Variants in MTMR12 observed in about 807,000 individuals in gnomAD.
The protein encoded by MTMR12 is myotubularin related protein 12.
In MTMR12, 33 loss-of-function variants were observed where a neutral mutation model predicts 96.7. The ratio of observed to expected loss-of-function variants is 0.34; its 90% CI spans 0.26 to 0.46. MTMR12 has a LOEUF of 0.46. Ranked by LOEUF, MTMR12 falls within the 20% of genes least tolerant of loss-of-function variation. The probability of loss-of-function intolerance (pLI) is 1.00; values close to 1 mark genes in which losing one functional copy is unlikely to be tolerated. For synonymous variants in MTMR12, 298 were observed against 327.2 expected (o/e 0.91, Z 0.96); for missense variants, 721 against 896.1 (o/e 0.80, Z 2.49).
In MTMR12 at chr5:32,287,916, G is replaced by A. The variant is rs141533950; in HGVS notation, c.82-11174C>T. Among the ~76,000 whole-genome samples the A allele has an allele frequency of 3.4e-4, 52 of 152,232 alleles. No homozygotes were observed. The East Asian group carries it at 9.5e-3, about 28-fold the overall frequency. Reference sequence around the variant, plus strand: ...CTGGTTGGTTGCTCCTAAGTTCAGTGGACAAAGTGATGAATGAAAATGACG... The same window carrying A: ...CTGGTTGGTTGCTCCTAAGTTCAGTAGACAAAGTGATGAATGAAAATGACG... On this transcript the variant is annotated intron_variant, in intron 1 of 15. Transcript: ENST00000382142.
At chr5:32,287,508 AATTTAAT>A (rs2112122274) in intron 1 of MTMR12, among the ~76,000 whole-genome samples, 1 of 152,290 alleles carries the variant, frequency 6.6e-6, no homozygotes, top group Non-Finnish European at 1.5e-5. Context: ...GTGATCATGT[AATTTAAT>A]ATTTAATAAA....
At chr5:32,279,752 C>T (rs1750214164) in intron 1 of MTMR12, among the ~76,000 whole-genome samples, 1 of 152,222 alleles carries the variant, frequency 6.6e-6, no homozygotes, top group African/African-American at 2.4e-5. Context: ...TGGGATGAAA[C>T]TGTTCTACCT....
At chr5:32,289,189 T>C (rs111233115) in intron 1 of MTMR12, among the ~76,000 whole-genome samples, 2,778 of 152,338 alleles carry the variant, frequency 0.018, 95 homozygotes, top group African/African-American at 0.063. Context: ...CGTAGAGCTC[T>C]GGCATTGGCT....
chr5:32,303,383 G>C (rs1294550819), intron 1 of MTMR12, among the ~76,000 whole-genome samples: 1 of 152,060 alleles, frequency 6.6e-6, no homozygotes, highest in Non-Finnish European at 1.5e-5. Context: ...GAGGCCCTGA[G>C]GCCTTTCCAT....
intron 2 of MTMR12, among the ~76,000 whole-genome samples, chr5:32,275,452 G>T (rs1750012704): frequency 6.6e-6 from 1 of 152,184 alleles, no homozygotes; most frequent in South Asian, 2.1e-4. Context: ...CCAAGACCAG[G>T]CCAGCCCCGT....
At chr5:32,267,870 T>C (rs548586009) in intron 6 of MTMR12, among the ~76,000 whole-genome samples, 2 of 152,296 alleles carry the variant, frequency 1.3e-5, no homozygotes, top group Admixed American at 1.3e-4. Context: ...AGTCTCATTC[T>C]ATTGCCAGGC....
intron 10 of MTMR12, among the ~76,000 whole-genome samples, chr5:32,245,481 C>T (rs916996649): frequency 6.6e-6 from 1 of 152,190 alleles, no homozygotes; most frequent in Non-Finnish European, 1.5e-5. Flanking sequence ...GAAGGACCCT[C>T]TGATGAAGTC....
intron 1 of MTMR12, among the ~76,000 whole-genome samples, chr5:32,292,141 G>A (rs1020144209): frequency 2.0e-5 from 3 of 152,186 alleles, no homozygotes; most frequent in Non-Finnish European, 2.9e-5. Flanking sequence ...ACAGAATGGT[G>A]TAATAGCCTT....
Position 32,312,649 on chromosome 5 carries a change from C to A in MTMR12, c.81+109G>T. ...CGCCTGGCTGCCCCGTCGCCCGGCA[C>A]AAGGGCAGGAAGCGCTCCGCGGCGC... On this transcript the variant is annotated intron_variant, in intron 1 of 15. Coordinates refer to ENST00000382142, the MANE Select transcript of MTMR12 (RefSeq NM_001040446.3). This position sits in a 1 kb window ranked among gnomAD's most constrained non-coding sequence, Gnocchi z 5.0. 3 of 1,043,034 alleles carry A rather than the reference C, an allele frequency of 2.9e-6. No individual in the cohort carries two copies. Among genetic ancestry groups the A allele is most frequent in the Non-Finnish European group, 3.7e-6 (3 of 818,422 alleles). 64.6% of individuals were successfully genotyped at this position (1,043,034 alleles called of 1,614,324 possible). A position where few individuals can be genotyped will look rare whatever the true frequency, so the allele number is the denominator to read the frequency against.
In MTMR12 at chr5:32,228,579, T is replaced by TCA. The variant is rs1448032370; in HGVS notation, c.*1197_*1198dup. On this transcript the variant is annotated 3_prime_UTR_variant, in exon 16 of 16. Coordinates refer to ENST00000382142, the MANE Select transcript of MTMR12 (RefSeq NM_001040446.3). ...GTGATATATATATATCATATATATA[T>TCA]CATATATATGTGATATATATATATA... The TCA allele has an allele frequency of 1.5e-5, 2 of 130,294 alleles. No individual in the cohort carries two copies. The highest frequency in any genetic ancestry group is 3.1e-5 in the African/African-American group (1 of 32,774). The allele number at this position is 130,294 out of a possible 1,614,324, so 8.1% of individuals were successfully genotyped here. A position where few individuals can be genotyped will look rare whatever the true frequency, so the allele number is the denominator to read the frequency against.
chr5:32,287,358 G>C (rs1042356662), intron 1 of MTMR12, among the ~76,000 whole-genome samples: 1 of 152,140 alleles, frequency 6.6e-6, no homozygotes, highest in Non-Finnish European at 1.5e-5. Context: ...GGTGAGACTG[G>C]CCTAGCCTCG....
chr5:32,229,410 A>G lies in MTMR12; in HGVS notation c.*368T>C, dbSNP rs954940451. On this transcript the variant is annotated 3_prime_UTR_variant, in exon 16 of 16. Coordinates refer to ENST00000382142, the MANE Select transcript of MTMR12 (RefSeq NM_001040446.3). ...ACTATTCCCAATGACTGGATAAATT[A>G]TCTTGGCACAAAGAGGATCTGAAGA... 1.2e-5 allele frequency: 2 copies of G among 172,318 alleles called. No homozygotes were observed. The highest frequency in any genetic ancestry group is 4.7e-5 in the African/African-American group (2 of 42,324). 10.7% of individuals were successfully genotyped at this position (172,318 alleles called of 1,614,324 possible). A position where few individuals can be genotyped will look rare whatever the true frequency, so the allele number is the denominator to read the frequency against.
chr5:32,272,622 A>C (rs1430958964), intron 3 of MTMR12, among the ~76,000 whole-genome samples: 1 of 151,962 alleles, frequency 6.6e-6, no homozygotes, highest in East Asian at 1.9e-4. Context: ...CAAGCAATCC[A>C]CCTGCCTCAG....
In MTMR12 at chr5:32,274,046, C is replaced by T; in HGVS notation, c.219G>A (p.Gly73=). ...TCTTGAAGTCTGTGCAGACAAGCCTCCCATAGACCCCATGCTGACAGGAAT... is the reference window on the plus strand; with the variant it reads ...TCTTGAAGTCTGTGCAGACAAGCCTTCCATAGACCCCATGCTGACAGGAAT... ...QEDSCQHGVY[G]RLVCTDFKIA... is the part of the protein sequence containing the mutation. Residue 73 remains glycine (G), a synonymous_variant, in exon 3 of 16, where the codon GGG becomes GGA. Coordinates refer to ENST00000382142, the MANE Select transcript of MTMR12 (RefSeq NM_001040446.3). 2 of 1,614,192 alleles carry T rather than the reference C, an allele frequency of 1.2e-6. No homozygotes were observed. Among genetic ancestry groups the T allele is most frequent in the East Asian group, 4.5e-5 (2 of 44,876 alleles).
intron 1 of MTMR12, among the ~76,000 whole-genome samples, chr5:32,280,814 T>C (rs1750260841): frequency 6.6e-6 from 1 of 152,336 alleles, no homozygotes; most frequent in Admixed American, 6.5e-5. Flanking sequence ...CTACCTAGTA[T>C]GAGAGCTTTA....
chr5:32,248,595 AATT>A (rs1748788847), intron 9 of MTMR12, among the ~76,000 whole-genome samples, 174 bp downstream of exon 9: 1 of 152,186 alleles, frequency 6.6e-6, no homozygotes, highest in Admixed American at 6.5e-5. Flanking sequence ...TGACACTCTT[AATT>A]ATTATGTTAT....
intron 4 of MTMR12, among the ~76,000 whole-genome samples, chr5:32,271,156 C>T (rs116431696): frequency 6.6e-6 from 1 of 152,322 alleles, no homozygotes; most frequent in Non-Finnish European, 1.5e-5. Flanking sequence ...GTGCTTCACT[C>T]CTCTGGAGTA....
chr5:32,290,878 G>A (rs1033783429), intron 1 of MTMR12, among the ~76,000 whole-genome samples: 1 of 152,180 alleles, frequency 6.6e-6, no homozygotes, highest in Admixed American at 6.5e-5. Flanking sequence ...CCCGTTACTG[G>A]GCTTTGGTAG....
intron 6 of MTMR12, among the ~76,000 whole-genome samples, chr5:32,267,036 C>T (rs944222601): frequency 4.6e-5 from 7 of 151,458 alleles, no homozygotes; most frequent in African/African-American, 7.3e-5. Flanking sequence ...GCCAAGATCA[C>T]GCCAGTGCAC....
Sources: allele counts gnomAD v4.1 joint callset (sites outside exome capture counted in the v4.1 genomes callset), GRCh38; gene constraint gnomAD v4.1.1; non-coding constraint Gnocchi (gnomAD v3.1); transcripts MANE v1.5; gene names NCBI Gene and HGNC (gene_info 2026-07-23, HGNC 2026-07-21).